The following KIF5C variants were observed in gnomAD, a reference collection of about 807,000 sequenced individuals.
KIF5C encodes kinesin heavy chain isoform 5C.
In KIF5C, 18 loss-of-function variants were observed where a neutral mutation model predicts 125.2. The ratio of observed to expected loss-of-function variants is 0.14; its 90% CI spans 0.10 to 0.21. KIF5C has a LOEUF of 0.21. Among genes scored for constraint, KIF5C ranks in the 10% least tolerant of loss-of-function variants. KIF5C has a pLI of 1.00. For missense variants in KIF5C, 780 were observed against 1,183.8 expected (o/e 0.66, Z 5.01); for synonymous variants, 405 against 434.0 (o/e 0.93, Z 0.83).
At chr2:148,988,538 G>T (rs776215131) in intron 15 of KIF5C, among the ~76,000 whole-genome samples, 1 of 152,182 alleles carries the variant, frequency 6.6e-6, no homozygotes. Flanking sequence ...AGAGCTTCTG[G>T]CTCAGCAGCG....
chr2:149,000,158 T>C (rs1681808585), intron 19 of KIF5C: 1 of 352,898 alleles, frequency 2.8e-6, no homozygotes. Context: ...ATCTCATTAT[T>C]TTTCCCCTGA....
intron 12 of KIF5C, among the ~76,000 whole-genome samples, chr2:148,976,140 A>G (rs1681058244): frequency 6.6e-6 from 1 of 152,194 alleles, no homozygotes. Flanking sequence ...TTTTATGCAG[A>G]TTACCATTGC....
intron 1 of KIF5C, among the ~76,000 whole-genome samples, chr2:148,891,992 C>T (rs1233540296): frequency 6.6e-6 from 1 of 152,198 alleles, no homozygotes; most frequent in Non-Finnish European, 1.5e-5. Flanking sequence ...GCCACTGCAT[C>T]ATTCATTTTA....
chr2:148,910,087 T>G (rs970316216), intron 1 of KIF5C, among the ~76,000 whole-genome samples: 1 of 152,196 alleles, frequency 6.6e-6, no homozygotes, highest in Non-Finnish European at 1.5e-5. Flanking sequence ...AAATCCAATT[T>G]AATTAAACAG....
intron 12 of KIF5C, among the ~76,000 whole-genome samples, chr2:148,975,989 A>G (rs1414147972): frequency 6.6e-6 from 1 of 152,084 alleles, no homozygotes; most frequent in Non-Finnish European, 1.5e-5. Flanking sequence ...GGTGGTGCCA[A>G]GGGGGCCACC....
At chr2:149,001,195 C>T (rs936818416) in intron 21 of KIF5C, among the ~76,000 whole-genome samples, 3 of 152,134 alleles carry the variant, frequency 2.0e-5, no homozygotes, top group East Asian at 1.9e-4. Flanking sequence ...CTGTGGGAGA[C>T]GATAAACAGT....
intron 12 of KIF5C, among the ~76,000 whole-genome samples, chr2:148,976,245 T>TTTTTTTAATTTATTTA (rs1553468292): frequency 7.0e-6 from 1 of 143,876 alleles, no homozygotes; most frequent in African/African-American, 2.6e-5. Flanking sequence ...TATTATTTTG[T>TTTTTTTAATTTATTTA]TTTATTTATT....
chr2:149,006,038 G>C lies in KIF5C; in HGVS notation c.2445+574G>C, dbSNP rs573527984. Among the ~76,000 whole-genome samples, 19 of 152,294 alleles carry C rather than the reference G, an allele frequency of 1.2e-4. 1 individual carries two copies. The South Asian group carries it at 3.9e-3, about 32-fold the overall frequency. ...AGCCAGAGATAGGTCTGGAACCCAGGCCTGCGGGGTCTCTGGATCTGAGCT... is the reference window on the plus strand; with the variant it reads ...AGCCAGAGATAGGTCTGGAACCCAGCCCTGCGGGGTCTCTGGATCTGAGCT... On this transcript the variant is annotated intron_variant, in intron 22 of 25. Transcript: ENST00000435030.
At chr2:148,967,128 T>A (rs1053593653) in intron 11 of KIF5C, among the ~76,000 whole-genome samples, 2 of 152,192 alleles carry the variant, frequency 1.3e-5, no homozygotes, top group African/African-American at 4.8e-5. Context: ...AATTCCTTTC[T>A]GACATTGCCA....
At chr2:148,994,972 A>C (rs1417394616) in intron 17 of KIF5C, among the ~76,000 whole-genome samples, 1 of 152,104 alleles carries the variant, frequency 6.6e-6, no homozygotes, top group African/African-American at 2.4e-5. Flanking sequence ...AAAGTACAAG[A>C]GTCAGCCACC....
chr2:148,877,801 A>G (rs1681236130), intron 1 of KIF5C: 1 of 151,884 alleles, frequency 6.6e-6, no homozygotes, highest in East Asian at 1.9e-4. Flanking sequence ...AACCAATGAA[A>G]TGAAGTAATA....
At chr2:148,994,877 T>A (rs1681623737) in intron 17 of KIF5C, among the ~76,000 whole-genome samples, 1 of 151,926 alleles carries the variant, frequency 6.6e-6, no homozygotes. Flanking sequence ...AATTTTTGTA[T>A]TTTTTAGTAG....
At chr2:148,900,633 A>G (rs1437807550) in intron 1 of KIF5C, among the ~76,000 whole-genome samples, 1 of 152,186 alleles carries the variant, frequency 6.6e-6, no homozygotes, top group Non-Finnish European at 1.5e-5. Context: ...TCATTCCCAT[A>G]GCAACACTGG....
At chr2:148,901,247 GT>G (rs1199182021) in intron 1 of KIF5C, among the ~76,000 whole-genome samples, 7 of 152,190 alleles carry the variant, frequency 4.6e-5, no homozygotes, top group African/African-American at 1.7e-4. Flanking sequence ...GATATATTAA[GT>G]GGAAGAAGCA....
chr2:148,971,136 A>T (rs1680890391), intron 11 of KIF5C, among the ~76,000 whole-genome samples: 1 of 152,186 alleles, frequency 6.6e-6, no homozygotes, highest in Non-Finnish European at 1.5e-5. Context: ...GTTAGTGGTG[A>T]ATTTCTCTGG....
chr2:148,983,897 G>C, intron 15 of KIF5C, 131 bp downstream of exon 15: 1 of 1,234,778 alleles, frequency 8.1e-7, no homozygotes, highest in Non-Finnish European at 1.0e-6. Flanking sequence ...GTGTTTGAAT[G>C]AATGAAAAAA....
intron 16 of KIF5C, among the ~76,000 whole-genome samples, chr2:148,993,928 G>C (rs1480269722): frequency 6.6e-6 from 1 of 152,128 alleles, no homozygotes; most frequent in Non-Finnish European, 1.5e-5. Context: ...TGGTGGGGTG[G>C]TGATGGTGGG....
At chr2:149,003,037 G>A (rs1052396612) in intron 21 of KIF5C, among the ~76,000 whole-genome samples, 2 of 151,828 alleles carry the variant, frequency 1.3e-5, no homozygotes, top group South Asian at 2.1e-4. Context: ...CCATGCACGC[G>A]GACAGACACA....
intron 1 of KIF5C, among the ~76,000 whole-genome samples, chr2:148,902,493 T>C (rs1680945333): frequency 6.6e-6 from 1 of 152,134 alleles, no homozygotes; most frequent in Non-Finnish European, 1.5e-5. Flanking sequence ...ATTTTTGTAT[T>C]TTTAGGAGAG....
Sources: allele counts gnomAD v4.1 joint callset (sites outside exome capture counted in the v4.1 genomes callset), GRCh38; gene constraint gnomAD v4.1.1; transcripts MANE v1.5; gene names NCBI Gene and HGNC (gene_info 2026-07-23, HGNC 2026-07-21).